GRIN2A: variants seen among roughly 807,000 people sequenced by gnomAD.
GRIN2A encodes the protein glutamate receptor ionotropic, NMDA 2A.
GRIN2A carries 22 observed loss-of-function variants against 113.4 expected under a neutral mutation model. That is an observed-to-expected ratio of 0.19 (90% CI 0.14 to 0.28). GRIN2A has a LOEUF of 0.28. GRIN2A is among the 10% of genes least tolerant of loss of function. The probability of loss-of-function intolerance (pLI) is 1.00; values close to 1 mark genes in which losing one functional copy is unlikely to be tolerated. For synonymous variants in GRIN2A, 827 were observed against 738.4 expected (o/e 1.12, Z -1.94); for missense variants, 1,502 against 1,887.0 (o/e 0.80, Z 3.78).
chr16:10,072,729 T>C (rs1325777286), intron 2 of GRIN2A, among the ~76,000 whole-genome samples: 4 of 152,212 alleles, frequency 2.6e-5, no homozygotes, highest in East Asian at 1.9e-4. Flanking sequence ...TCCTAGGCTC[T>C]ATCCCTAAAT....
chr16:9,754,920 A>G lies in GRIN2A; in HGVS notation c.*8229T>C, dbSNP rs1900295027. 4.5e-6 allele frequency: 1 copy of G among 221,076 alleles called. No individual in the cohort carries two copies. Among genetic ancestry groups the G allele is most frequent in the South Asian group, 1.8e-4 (1 of 5,430 alleles). The allele number at this position is 221,076 out of a possible 1,614,324, so 13.7% of individuals were successfully genotyped here. A position where few individuals can be genotyped will look rare whatever the true frequency, so the allele number is the denominator to read the frequency against. On this transcript the variant is annotated 3_prime_UTR_variant, in exon 13 of 13. Transcript: ENST00000330684. ...ATGGGAAGCATTTAAAATGCCAAAG[A>G]CAAACTCATGTTTGCTGGAGAACAA...
At chr16:10,136,151 G>C (rs962280190) in intron 2 of GRIN2A, among the ~76,000 whole-genome samples, 2 of 151,992 alleles carry the variant, frequency 1.3e-5, no homozygotes, top group African/African-American at 2.4e-5. Flanking sequence ...CAACCCCACT[G>C]GTTCTGAAGG....
At chr16:10,083,595 A>G (rs2048026450) in intron 2 of GRIN2A, among the ~76,000 whole-genome samples, 1 of 152,156 alleles carries the variant, frequency 6.6e-6, no homozygotes, top group Non-Finnish European at 1.5e-5. Flanking sequence ...TGAACTTACC[A>G]AACACGCTCA....
At chr16:9,858,121 A>G (rs1488344908) in intron 4 of GRIN2A, among the ~76,000 whole-genome samples, 1 of 152,232 alleles carries the variant, frequency 6.6e-6, no homozygotes, top group African/African-American at 2.4e-5. Context: ...AGCTAAGCCA[A>G]TGAGAGTTTT....
intron 10 of GRIN2A, among the ~76,000 whole-genome samples, chr16:9,814,652 T>C (rs17793917): frequency 0.2 from 31,045 of 152,066 alleles, 3,674 homozygotes; most frequent in Non-Finnish European, 0.27. Flanking sequence ...GAACTCCATT[T>C]CTCAATAGTC....
chr16:10,158,670 A>C (rs2049751802), intron 2 of GRIN2A, among the ~76,000 whole-genome samples: 2 of 152,360 alleles, frequency 1.3e-5, no homozygotes, highest in African/African-American at 4.8e-5. Flanking sequence ...TGCCAGATGC[A>C]AAAGGTCACA....
At chr16:10,006,043 T>A (rs1319520561) in intron 2 of GRIN2A, among the ~76,000 whole-genome samples, 1 of 152,238 alleles carries the variant, frequency 6.6e-6, no homozygotes, top group African/African-American at 2.4e-5. Flanking sequence ...TATGTAAGGA[T>A]GTAGGCTGTT....
At chr16:10,049,814 C>T (rs982216172) in intron 2 of GRIN2A, among the ~76,000 whole-genome samples, 1 of 152,166 alleles carries the variant, frequency 6.6e-6, no homozygotes, top group Non-Finnish European at 1.5e-5. Context: ...AATGGCAGAA[C>T]ATTTTGTGCA....
chr16:9,895,063 C>T (rs941546586), intron 3 of GRIN2A, among the ~76,000 whole-genome samples: 17 of 152,078 alleles, frequency 1.1e-4, no homozygotes, highest in African/African-American at 4.1e-4. Context: ...CAGAACTATG[C>T]CATGAAAATG....
chr16:9,871,194 C>T (rs1430580862), intron 4 of GRIN2A, among the ~76,000 whole-genome samples: 1 of 152,188 alleles, frequency 6.6e-6, no homozygotes, highest in African/African-American at 2.4e-5. Context: ...CAATCCACCA[C>T]TTCCTCACCT....
At chr16:9,796,825 C>T (rs1196095642) in intron 11 of GRIN2A, among the ~76,000 whole-genome samples, 1 of 152,206 alleles carries the variant, frequency 6.6e-6, no homozygotes, top group East Asian at 1.9e-4. Flanking sequence ...TAAATGCTTA[C>T]TGTTGTACGC....
intron 2 of GRIN2A, among the ~76,000 whole-genome samples, chr16:10,155,164 C>T (rs3852746): frequency 0.3 from 45,031 of 152,060 alleles, 7,307 homozygotes; most frequent in East Asian, 0.55. Context: ...CTAGAGCAAA[C>T]TGCAAAATGA....
intron 2 of GRIN2A, among the ~76,000 whole-genome samples, chr16:10,000,457 C>T (rs1470146881): frequency 6.6e-6 from 1 of 152,138 alleles, no homozygotes; most frequent in Non-Finnish European, 1.5e-5. Flanking sequence ...TGAAATTCCT[C>T]TAAAATTACT....
At chr16:10,000,089 C>A (rs1567226668) in intron 2 of GRIN2A, among the ~76,000 whole-genome samples, 1 of 152,128 alleles carries the variant, frequency 6.6e-6, no homozygotes, top group Non-Finnish European at 1.5e-5. Context: ...CTGACTCTCT[C>A]CCTCCTGCCT....
chr16:10,057,854 T>A (rs2047481369), intron 2 of GRIN2A, among the ~76,000 whole-genome samples: 1 of 152,190 alleles, frequency 6.6e-6, no homozygotes, highest in African/African-American at 2.4e-5. Context: ...AGCGCAGACA[T>A]CACTCGTTCA....
Position 9,768,851 on chromosome 16 carries a change from C to A in GRIN2A, c.2595G>T (p.Arg865Ser), listed in dbSNP as rs2141149385. Residue 865 changes from arginine (R) to serine (S), a missense_variant and splice_region_variant, in exon 12 of 13, where the codon AGG becomes AGT. Physicochemically the swap from Arg to Ser is moderately radical, Grantham distance 110. This residue lies in a region of GRIN2A where 832 missense variants were observed against 789.7 expected (regional missense o/e 1.05). Transcript: ENST00000330684. ...GAAAGTAGCCACCCGGTGTACTGAC[C>A]CTGCTGATGGAGAAGAGCAACCCAG... ...DRPGLLFSIS[R>S]GIYSCIHGVH... 1 of 1,609,598 alleles carries A rather than the reference C, an allele frequency of 6.2e-7. No homozygotes were observed. The highest frequency in any genetic ancestry group is 8.5e-7 in the Non-Finnish European group (1 of 1,175,918).
At chr16:9,952,373 G>A (rs2045205102) in intron 2 of GRIN2A, among the ~76,000 whole-genome samples, 1 of 152,112 alleles carries the variant, frequency 6.6e-6, no homozygotes, top group African/African-American at 2.4e-5. Context: ...AGAGGACAGT[G>A]TACAAAGACA....
intron 2 of GRIN2A, among the ~76,000 whole-genome samples, chr16:10,105,528 T>C (rs1161101047): frequency 2.0e-5 from 3 of 152,014 alleles, no homozygotes; most frequent in African/African-American, 7.2e-5. Flanking sequence ...GGTGTTTAAA[T>C]GCATTTGAGA....
chr16:9,856,066 C>T (rs2042962047), intron 4 of GRIN2A, among the ~76,000 whole-genome samples: 1 of 152,084 alleles, frequency 6.6e-6, no homozygotes, highest in Non-Finnish European at 1.5e-5. Context: ...TATGTGTTTC[C>T]AGGAGCAGTG....
Sources: gnomAD v4.1 joint callset for allele counts (sites outside exome capture counted in the v4.1 genomes callset) on GRCh38, gnomAD v4.1.1 for gene constraint, gnomAD v4.1.1 regional missense constraint, MANE v1.5 for transcripts, NCBI Gene and HGNC (gene_info 2026-07-23, HGNC 2026-07-21) for gene names.